SHISA9: variants seen among roughly 807,000 people sequenced by gnomAD.
SHISA9 encodes the protein shisa family member 9.
SHISA9 carries 13 observed loss-of-function variants against 38.0 expected under a neutral mutation model. The ratio of observed to expected loss-of-function variants is 0.34; its 90% CI spans 0.22 to 0.54. SHISA9 has a LOEUF of 0.54. SHISA9 is among the 20% of genes least tolerant of loss of function. The pLI is 0.91. For missense variants in SHISA9, 538 were observed against 575.8 expected (o/e 0.93, Z 0.67); for synonymous variants, 275 against 242.0 (o/e 1.14, Z -1.27).
chr16:12,983,954 G>T (rs1013379493), intron 2 of SHISA9, among the ~76,000 whole-genome samples: 1 of 152,126 alleles, frequency 6.6e-6, no homozygotes, highest in African/African-American at 2.4e-5. Flanking sequence ...TGTTGGTTTT[G>T]GCTTCTGTTC....
At chr16:13,259,661 C>G in the SHISA9 span, among the ~76,000 whole-genome samples, 1 of 152,358 alleles carries the variant, frequency 6.6e-6, no homozygotes, top group African/African-American at 2.4e-5. Context: ...TCCACATGCT[C>G]AGTACCACAT....
At chr16:12,971,995 G>A (rs2072089478) in intron 2 of SHISA9, among the ~76,000 whole-genome samples, 1 of 150,644 alleles carries the variant, frequency 6.6e-6, no homozygotes, top group Non-Finnish European at 1.5e-5. Context: ...AGACATTGGG[G>A]ATATGGTTAT....
intron 2 of SHISA9, among the ~76,000 whole-genome samples, chr16:13,084,673 G>A (rs1392855846): frequency 1.3e-5 from 2 of 152,266 alleles, no homozygotes; most frequent in Non-Finnish European, 2.9e-5. Flanking sequence ...GAAGAGGTTC[G>A]GGATGTTGTG....
At chr16:13,312,218 A>T in the SHISA9 span, among the ~76,000 whole-genome samples, 1 of 152,214 alleles carries the variant, frequency 6.6e-6, no homozygotes, top group Non-Finnish European at 1.5e-5. Context: ...GAAAGCAGGC[A>T]TGGAAAATTT....
the SHISA9 span, among the ~76,000 whole-genome samples, chr16:13,485,044 C>A: frequency 3.4e-5 from 5 of 148,704 alleles, no homozygotes; most frequent in Non-Finnish European, 4.5e-5. Context: ...TTTTTTTTAA[C>A]TTTAAGTTCT....
chr16:13,470,955 G>C, the SHISA9 span, among the ~76,000 whole-genome samples: 2 of 152,008 alleles, frequency 1.3e-5, no homozygotes, highest in African/African-American at 2.4e-5. Context: ...ACAGAAGTGA[G>C]GAAGTGGGAA....
chr16:13,041,608 G>C (rs1239001143), intron 2 of SHISA9, among the ~76,000 whole-genome samples: 1 of 152,208 alleles, frequency 6.6e-6, no homozygotes, highest in African/African-American at 2.4e-5. Flanking sequence ...CTGAGGAAGA[G>C]TTGATTTTAA....
chr16:13,412,304 G>A, the SHISA9 span, among the ~76,000 whole-genome samples: 1 of 152,154 alleles, frequency 6.6e-6, no homozygotes, highest in Non-Finnish European at 1.5e-5. Flanking sequence ...CATGGGCTGG[G>A]AGTAGGGAGG....
At chr16:13,300,587 A>C in the SHISA9 span, among the ~76,000 whole-genome samples, 1 of 152,156 alleles carries the variant, frequency 6.6e-6, no homozygotes, top group Admixed American at 6.6e-5. Flanking sequence ...CCATGAACGA[A>C]TTTAATTTCA....
chr16:13,254,036 G>A, the SHISA9 span, among the ~76,000 whole-genome samples: 2 of 151,996 alleles, frequency 1.3e-5, no homozygotes, highest in Non-Finnish European at 2.9e-5. Flanking sequence ...ACACTTCAGT[G>A]GTAGTTTTCA....
At chr16:13,266,448 A>G in the SHISA9 span, among the ~76,000 whole-genome samples, 6 of 152,286 alleles carry the variant, frequency 3.9e-5, no homozygotes, top group Admixed American at 3.9e-4. Flanking sequence ...GAATGACTGC[A>G]GGCTGTTTGT....
At chr16:13,193,373 A>G (rs1022431225) in intron 2 of SHISA9, among the ~76,000 whole-genome samples, 3 of 152,096 alleles carry the variant, frequency 2.0e-5, no homozygotes, top group African/African-American at 7.2e-5. Flanking sequence ...TATTTTTTAG[A>G]TGGAGTCTTG....
At chr16:13,273,039 T>G in the SHISA9 span, among the ~76,000 whole-genome samples, 1 of 152,170 alleles carries the variant, frequency 6.6e-6, no homozygotes, top group Non-Finnish European at 1.5e-5. Context: ...GTGGCAATGA[T>G]GTATCCAAGC....
At chr16:13,315,844 C>T in the SHISA9 span, among the ~76,000 whole-genome samples, 18 of 152,068 alleles carry the variant, frequency 1.2e-4, no homozygotes, top group Admixed American at 9.8e-4. Context: ...TGAACCCAGG[C>T]GGGTAGAAGC....
intron 2 of SHISA9, among the ~76,000 whole-genome samples, chr16:13,035,920 G>A (rs2073054927): frequency 6.6e-6 from 1 of 152,186 alleles, no homozygotes; most frequent in Admixed American, 6.5e-5. Flanking sequence ...GGTGTCATTA[G>A]TCATCAGGGA....
At chr16:12,961,273 C>T (rs1384635786) in intron 2 of SHISA9, among the ~76,000 whole-genome samples, 6 of 152,146 alleles carry the variant, frequency 3.9e-5, no homozygotes, top group African/African-American at 1.2e-4. Flanking sequence ...ATGGTGGGAG[C>T]AGAGGTAGCG....
the SHISA9 span, among the ~76,000 whole-genome samples, chr16:13,246,576 A>G: frequency 1.3e-5 from 2 of 152,200 alleles, no homozygotes; most frequent in Non-Finnish European, 2.9e-5. Flanking sequence ...TTTTTTGTGT[A>G]TCAGGCACTG....
the SHISA9 span, among the ~76,000 whole-genome samples, chr16:13,509,712 G>T: frequency 6.6e-6 from 1 of 152,138 alleles, no homozygotes; most frequent in Non-Finnish European, 1.5e-5. Flanking sequence ...AGAAAATGTG[G>T]AATATCACTT....
At chr16:13,089,524 T>C (rs1156533005) in intron 2 of SHISA9, among the ~76,000 whole-genome samples, 4 of 152,250 alleles carry the variant, frequency 2.6e-5, no homozygotes, top group Non-Finnish European at 5.9e-5. Flanking sequence ...CCTAGTTTAG[T>C]CTTGGGAGAG....
Sources: allele counts gnomAD v4.1 joint callset (sites outside exome capture counted in the v4.1 genomes callset), GRCh38; gene constraint gnomAD v4.1.1; transcripts MANE v1.5; gene names NCBI Gene and HGNC (gene_info 2026-07-23, HGNC 2026-07-21).